The following PLAC1 variants were observed in gnomAD, a reference collection of about 807,000 sequenced individuals.
The protein encoded by PLAC1 is placenta-specific protein 1.
For missense variants in PLAC1, 136 were observed against 163.2 expected (o/e 0.83, Z 0.91); for synonymous variants, 68 against 62.1 (o/e 1.09, Z -0.44).
Position 134,755,309 on chromosome X carries a change from T to C in PLAC1, n.89+8925A>G, listed in dbSNP as rs1828397562. The stretch of plus-strand genomic sequence containing the variant: ...TTAAGTGGTAGCTCTTATTGGTGAG[T>C]ATAAGTACTCTGTAGTTTGTTTGTT... On this transcript the variant is annotated intron_variant and non_coding_transcript_variant, in intron 1 of 2. Transcript: ENST00000466797. Among the ~76,000 whole-genome samples, 3 of 112,440 alleles carry C rather than the reference T, an allele frequency of 2.7e-5. No homozygotes were observed. In the Admixed American group the frequency reaches 2.8e-4, roughly 11 times the overall value.
rs1259361583 is a variant in PLAC1 at position 134,618,348 on chromosome X, T to A, written c.-130-16226A>T. ...TTAAGAACTTGCTTATCAGCACAGG[T>A]ACCATTGGCATTGCTATTTATTAAG... is the stretch of plus-strand genomic sequence containing the variant. On this transcript the variant is annotated intron_variant, in intron 1 of 2. Coordinates refer to ENST00000359237, the MANE Select transcript of PLAC1 (RefSeq NM_021796.4). Among the ~76,000 whole-genome samples, 9 of 111,986 alleles carry A rather than the reference T, an allele frequency of 8.0e-5. No homozygotes were observed. In the Admixed American group the frequency reaches 8.5e-4, roughly 11 times the overall value.
intron 1 of PLAC1, among the ~76,000 whole-genome samples, chrX:134,647,810 A>G (rs1285429844): frequency 9.0e-6 from 1 of 111,511 alleles, no homozygotes; most frequent in East Asian, 2.8e-4. Context: ...TATCATTTCC[A>G]TGGATGAAAA....
At chrX:134,703,311 A>G (rs2078589810) in intron 2 of PLAC1, among the ~76,000 whole-genome samples, 1 of 112,080 alleles carries the variant, frequency 8.9e-6, no homozygotes, top group South Asian at 3.7e-4. Context: ...TCAAAAACTA[A>G]CATTAAAAAA....
At chrX:134,672,567 T>A (rs961325800) in intron 2 of PLAC1, among the ~76,000 whole-genome samples, 9 of 112,299 alleles carry the variant, frequency 8.0e-5, no homozygotes, top group African/African-American at 2.9e-4. Context: ...AATTAGCTGC[T>A]TGGAGGTACA....
chrX:134,725,536 C>T (rs1053764892), intron 2 of PLAC1, among the ~76,000 whole-genome samples: 3 of 111,871 alleles, frequency 2.7e-5, no homozygotes, highest in Non-Finnish European at 5.6e-5. Flanking sequence ...ACAAGTTCCC[C>T]GTGACACTGA....
At chrX:134,589,263 A>C (rs917653649) in intron 2 of PLAC1, among the ~76,000 whole-genome samples, 1 of 111,082 alleles carries the variant, frequency 9.0e-6, no homozygotes, top group African/African-American at 3.3e-5. Flanking sequence ...AGTATGGGGG[A>C]TGGAAATCGT....
At chrX:134,685,906 A>T (rs1211922474) in intron 2 of PLAC1, among the ~76,000 whole-genome samples, 1 of 110,840 alleles carries the variant, frequency 9.0e-6, no homozygotes, top group Non-Finnish European at 1.9e-5. Context: ...GCCAGGGAGG[A>T]TTGATTTTGT....
chrX:134,632,809 C>A (rs1425341676), intron 1 of PLAC1, among the ~76,000 whole-genome samples: 1 of 111,340 alleles, frequency 9.0e-6, no homozygotes, highest in Non-Finnish European at 1.9e-5. Context: ...GTTGTGGGAG[C>A]CCAGAGAATA....
At chrX:134,668,613 C>T (rs1205994144) in intron 2 of PLAC1, among the ~76,000 whole-genome samples, 1 of 112,834 alleles carries the variant, frequency 8.9e-6, no homozygotes, top group Non-Finnish European at 1.9e-5. Flanking sequence ...AAAAGGGCCT[C>T]TAAGGGCCCT....
chrX:134,608,651 C>T (rs2078134181), intron 1 of PLAC1, among the ~76,000 whole-genome samples: 2 of 103,081 alleles, frequency 1.9e-5, no homozygotes, highest in Admixed American at 1.1e-4. Context: ...CAAATTGTAT[C>T]ACTCTTCTTT....
At chrX:134,610,720 T>G (rs2078148182) in intron 1 of PLAC1, among the ~76,000 whole-genome samples, 1 of 112,262 alleles carries the variant, frequency 8.9e-6, no homozygotes, top group South Asian at 3.7e-4. Flanking sequence ...CTGGAGTTTC[T>G]GAACTGATAT....
In PLAC1 at chrX:134,668,749, G is replaced by T. The variant is rs139347061; in HGVS notation, n.174+64686C>A. Among the ~76,000 whole-genome samples the T allele has an allele frequency of 8.7e-3, 977 of 112,561 alleles. 11 individuals are homozygous for T. The highest frequency in any genetic ancestry group is 0.03 in the African/African-American group (940 of 30,995). ...GCTGAAGACAGAAAATTCTAGGACCGGGAAAGACTTCCTTCTGGCCTCCCC... is the reference window on the plus strand; with the variant it reads ...GCTGAAGACAGAAAATTCTAGGACCTGGAAAGACTTCCTTCTGGCCTCCCC... On this transcript the variant is annotated intron_variant and non_coding_transcript_variant, in intron 2 of 2. Coordinates refer to the PLAC1 transcript ENST00000466797.
At chrX:134,732,145 C>G (rs911988455) in intron 2 of PLAC1, among the ~76,000 whole-genome samples, 9 of 104,143 alleles carry the variant, frequency 8.6e-5, no homozygotes, top group Non-Finnish European at 1.8e-4. Flanking sequence ...TGTGTACATC[C>G]TCTGACCCTA....
At chrX:134,744,369 C>T (rs1322810315) in intron 1 of PLAC1, among the ~76,000 whole-genome samples, 3 of 111,089 alleles carry the variant, frequency 2.7e-5, no homozygotes, top group Admixed American at 9.6e-5. Flanking sequence ...CCGCTCCCTT[C>T]GTTATGATTC....
Position 134,566,097 on chromosome X carries a change from C to G in PLAC1, c.586G>C (p.Asp196His), listed in dbSNP as rs1440057490. The change falls in exon 3 of 3, where the codon GAT becomes CAT. Residue 196 changes from aspartate to histidine, a missense_variant. Asp to His is a moderately conservative substitution (Grantham distance 81). Transcript: ENST00000359237. ...TGAAGAGACCAATCCTCAGAAATAT[C>G]AAGAAAGTGAGATGGCTGCAGAGGT... is the stretch of plus-strand genomic sequence containing the variant. ...AQPLQPSHFL[D>H]ISEDWSLHTD... The G allele has an allele frequency of 8.3e-7, 1 of 1,210,059 alleles. No homozygotes were observed. Among genetic ancestry groups the G allele is most frequent in the South Asian group, 1.8e-5 (1 of 56,950 alleles).
chrX:134,698,211 G>A (rs2078571219), intron 2 of PLAC1, among the ~76,000 whole-genome samples: 2 of 111,215 alleles, frequency 1.8e-5, no homozygotes, highest in Non-Finnish European at 3.8e-5. Context: ...CTGCATTTTG[G>A]GAGGCTGAGG....
chrX:134,756,587 C>T lies in PLAC1; in HGVS notation n.89+7647G>A, dbSNP rs1252980781. On this transcript the variant is annotated intron_variant and non_coding_transcript_variant, in intron 1 of 2. Coordinates refer to the PLAC1 transcript ENST00000466797. ...ATTTTCGGCCGGGCGCGGTGGCTCA[C>T]GCCTGTAATCCCAGCACTTTGGGAG... is the stretch of plus-strand genomic sequence containing the variant. Among the ~76,000 whole-genome samples, 3 of 110,550 alleles carry T rather than the reference C, an allele frequency of 2.7e-5. No individual in the cohort carries two copies. The Admixed American group carries it at 2.9e-4, about 11-fold the overall frequency.
At chrX:134,750,835 TTA>T (rs1387872807) in intron 1 of PLAC1, among the ~76,000 whole-genome samples, 4 of 28,312 alleles carry the variant, frequency 1.4e-4, no homozygotes, top group African/African-American at 8.1e-4. Context: ...ATATATATAT[TTA>T]TATATATATT....
At chrX:134,728,338 C>T (rs914935165) in intron 2 of PLAC1, among the ~76,000 whole-genome samples, 14 of 112,198 alleles carry the variant, frequency 1.2e-4, no homozygotes, top group African/African-American at 4.5e-4. Flanking sequence ...TATCTAGATA[C>T]ATCGTAATCA....
Sources: gnomAD v4.1 joint callset for allele counts (sites outside exome capture counted in the v4.1 genomes callset) on GRCh38, gnomAD v4.1.1 for gene constraint, MANE v1.5 for transcripts, NCBI Gene and HGNC (gene_info 2026-07-23, HGNC 2026-07-21) for gene names.